NREP: variants seen among roughly 807,000 people sequenced by gnomAD.
NREP encodes neuronal regeneration-related protein.
In NREP, 5 loss-of-function variants were observed where a neutral mutation model predicts 8.6. The observed-to-expected ratio is 0.58, with a 90% CI of 0.30 to 1.22. NREP has a LOEUF of 1.22. NREP is among the 50% of genes most tolerant of loss of function. The pLI is 0.07. For synonymous variants in NREP, 27 were observed against 28.0 expected (o/e 0.96, Z 0.11); for missense variants, 86 against 82.5 (o/e 1.04, Z -0.17).
At chr5:111,969,722 T>C (rs1331158770) in intron 2 of NREP, among the ~76,000 whole-genome samples, 1 of 152,204 alleles carries the variant, frequency 6.6e-6, no homozygotes, top group Non-Finnish European at 1.5e-5. Flanking sequence ...ATTACTAGAA[T>C]GGAGCAGTTT....
intron 2 of NREP, among the ~76,000 whole-genome samples, chr5:111,818,180 T>C (rs567799673): frequency 6.6e-6 from 1 of 152,298 alleles, no homozygotes; most frequent in South Asian, 2.1e-4. Flanking sequence ...TTTTTAAAAA[T>C]GTAATTCAGA....
At chr5:111,753,795 A>C (rs1379128894) in intron 2 of NREP, among the ~76,000 whole-genome samples, 1 of 152,206 alleles carries the variant, frequency 6.6e-6, no homozygotes, top group Non-Finnish European at 1.5e-5. Flanking sequence ...GAGGTCCACA[A>C]AGTAATTCCA....
chr5:111,868,180 A>G (rs549973492), intron 2 of NREP, among the ~76,000 whole-genome samples: 1 of 152,304 alleles, frequency 6.6e-6, no homozygotes, highest in Non-Finnish European at 1.5e-5. Context: ...GAAACGTGGA[A>G]TCAGAGATAA....
At chr5:111,756,296 T>TTAAAA in intron 1 of NREP, 2 of 237,988 alleles carry the variant, frequency 8.4e-6, no homozygotes, top group Non-Finnish European at 1.0e-5. Flanking sequence ...CTTCCGTGTT[T>TTAAAA]AAAAAAAAAA....
At chr5:111,939,803 T>C (rs1029303626) in intron 2 of NREP, among the ~76,000 whole-genome samples, 1 of 152,024 alleles carries the variant, frequency 6.6e-6, no homozygotes, top group Non-Finnish European at 1.5e-5. Context: ...ATGTGCCTTA[T>C]GGAGAAAATG....
chr5:111,952,889 G>C (rs1756203768), intron 2 of NREP, among the ~76,000 whole-genome samples: 1 of 152,092 alleles, frequency 6.6e-6, no homozygotes, highest in Non-Finnish European at 1.5e-5. Context: ...GTAGGAATGG[G>C]AATGTGAAAG....
chr5:111,909,628 A>G (rs77080560), intron 2 of NREP, among the ~76,000 whole-genome samples: 16,766 of 152,074 alleles, frequency 0.11, 1,421 homozygotes, highest in African/African-American at 0.23. Context: ...CAAAGAGAGA[A>G]CAGATACTTG....
intron 2 of NREP, among the ~76,000 whole-genome samples, chr5:111,812,770 G>C (rs990777354): frequency 2.6e-5 from 4 of 151,954 alleles, no homozygotes; most frequent in African/African-American, 9.7e-5. Context: ...TCACTATACT[G>C]TTATCATTAG....
At chr5:111,948,938 G>A (rs898029232) in intron 2 of NREP, 1 of 152,014 alleles carries the variant, frequency 6.6e-6, no homozygotes, top group Non-Finnish European at 1.5e-5. Flanking sequence ...GAACAATATT[G>A]CTGATTAATC....
intron 2 of NREP, among the ~76,000 whole-genome samples, chr5:111,797,062 AAGATAGATAGATAGATAGAT>A (rs58573941): frequency 9.5e-5 from 14 of 147,448 alleles, no homozygotes; most frequent in East Asian, 4.0e-4. Flanking sequence ...AGTGTCTACT[AAGATAGATAGATAGATAGAT>A]AGATAGATAG....
chr5:111,815,709 G>A (rs575826671), intron 2 of NREP, among the ~76,000 whole-genome samples: 38 of 151,980 alleles, frequency 2.5e-4, no homozygotes, highest in Non-Finnish European at 4.3e-4. Flanking sequence ...TATTCAAACC[G>A]AAGCACAGAA....
chr5:111,950,060 G>T (rs894757801), intron 2 of NREP, among the ~76,000 whole-genome samples: 2 of 152,004 alleles, frequency 1.3e-5, no homozygotes, highest in Admixed American at 1.3e-4. Flanking sequence ...GTGTAAAAGA[G>T]CTCCTTTTCG....
At chr5:111,829,500 A>T (rs550765293) in intron 2 of NREP, among the ~76,000 whole-genome samples, 4 of 152,166 alleles carry the variant, frequency 2.6e-5, no homozygotes, top group African/African-American at 9.7e-5. Context: ...CTTCTTCCCA[A>T]TCTGCACCCA....
At chr5:111,899,137 C>T (rs1025568256) in intron 2 of NREP, among the ~76,000 whole-genome samples, 7 of 152,096 alleles carry the variant, frequency 4.6e-5, no homozygotes, top group Non-Finnish European at 7.4e-5. Context: ...ATCATAAAAA[C>T]ACACAAAAGT....
chr5:111,842,704 C>A (rs1036570835), intron 2 of NREP, among the ~76,000 whole-genome samples: 4 of 151,888 alleles, frequency 2.6e-5, no homozygotes, highest in Admixed American at 2.6e-4. Context: ...TTAATAGTGC[C>A]CTTTCATTTC....
intron 3 of NREP, 87 bp downstream of exon 3, chr5:111,735,343 G>A: frequency 2.4e-6 from 2 of 834,480 alleles, no homozygotes; most frequent in Non-Finnish European, 2.0e-6. Context: ...CCTATAATGG[G>A]TATTCAAATG....
chr5:111,929,036 G>A (rs1339387608), intron 2 of NREP, among the ~76,000 whole-genome samples: 1 of 151,964 alleles, frequency 6.6e-6, no homozygotes, highest in African/African-American at 2.4e-5. Flanking sequence ...TAGTGTTTTA[G>A]CAAATCAGTA....
At chr5:111,779,033 TC>T (rs1347983952) in intron 2 of NREP, among the ~76,000 whole-genome samples, 2 of 123,676 alleles carry the variant, frequency 1.6e-5, no homozygotes, top group Non-Finnish European at 3.7e-5. Context: ...ATATGAGTCT[TC>T]CCTACTTAAC....
chr5:111,741,826 C>CACAG (rs140634586), intron 2 of NREP, among the ~76,000 whole-genome samples: 1 of 141,062 alleles, frequency 7.1e-6, no homozygotes, highest in East Asian at 2.1e-4. Flanking sequence ...CACACACATA[C>CACAG]ACACACACAC....
Sources: allele counts gnomAD v4.1 joint callset (sites outside exome capture counted in the v4.1 genomes callset), GRCh38; gene constraint gnomAD v4.1.1; transcripts MANE v1.5; gene names NCBI Gene and HGNC (gene_info 2026-07-23, HGNC 2026-07-21).